Variants in TMEM181 observed in about 807,000 individuals in gnomAD.
TMEM181 encodes the protein transmembrane protein 181, also known as G protein-coupled receptor 178.
In TMEM181, 39 loss-of-function variants were observed where a neutral mutation model predicts 71.9. The observed-to-expected ratio is 0.54, with a 90% CI of 0.42 to 0.71. The LOEUF is 0.71. TMEM181 is among the 30% of genes least tolerant of loss of function. The pLI, the probability that TMEM181 is intolerant of heterozygous loss-of-function variation, is 0.00. For missense variants in TMEM181, 595 were observed against 583.0 expected (o/e 1.02, Z -0.21); for synonymous variants, 245 against 228.8 (o/e 1.07, Z -0.64).
Position 158,605,367 on chromosome 6 carries a change from T to G in TMEM181, c.573+20T>G, listed in dbSNP as rs750261581. 5.6e-6 allele frequency: 9 copies of G among 1,611,352 alleles called. No homozygotes were observed. In the South Asian group the frequency reaches 9.9e-5, roughly 18 times the overall value. On this transcript the variant is annotated intron_variant, in intron 7 of 16. Coordinates refer to ENST00000684151, the MANE Select transcript of TMEM181 (RefSeq NM_001376852.1). ...GTCACTGTGAGTACCATTCGCCTGA[T>G]GGACCGCAGCAGATCCCAGCCAGGA...
At position 158,631,355 on chromosome 6, in the gene TMEM181, A is replaced by G; in HGVS notation, c.1315A>G (p.Met439Val). 1.2e-6 allele frequency: 2 copies of G among 1,614,214 alleles called. No individual in the cohort carries two copies. The highest frequency in any genetic ancestry group is 1.7e-6 in the Non-Finnish European group (2 of 1,180,044). The change falls in exon 16 of 17, where the codon ATG (methionine) becomes GTG (valine). Residue 439 changes from methionine to valine, a missense_variant. Coordinates refer to ENST00000684151, the MANE Select transcript of TMEM181 (RefSeq NM_001376852.1). ...GCTGAAAGACAATCCTGCCTTCTCCATGCTGAATGACTCGGATGATGATGT... is the reference window on the plus strand; with the variant it reads ...GCTGAAAGACAATCCTGCCTTCTCCGTGCTGAATGACTCGGATGATGATGT... The part of the protein sequence containing the change: ...SQLKDNPAFS[M>V]LNDSDDDVIY...
At chr6:158,624,082 G>GTT (rs936840926) in intron 11 of TMEM181, among the ~76,000 whole-genome samples, 7 of 152,166 alleles carry the variant, frequency 4.6e-5, no homozygotes, top group Admixed American at 2.0e-4. Context: ...TTAAAACAAT[G>GTT]TTTTTACTCC....
chr6:158,626,349 C>T, intron 13 of TMEM181: 1 of 456,046 alleles, frequency 2.2e-6, no homozygotes, highest in Non-Finnish European at 4.4e-6. Context: ...CAGGTAATTG[C>T]TTGGTGGTTT....
intron 1 of TMEM181, among the ~76,000 whole-genome samples, chr6:158,571,015 C>T (rs562377906): frequency 5.3e-5 from 8 of 151,676 alleles, no homozygotes; most frequent in African/African-American, 1.7e-4. Context: ...CTGGTTCAAG[C>T]GATTCTCCTG....
Position 158,633,387 on chromosome 6 carries a change from C to T in TMEM181, c.*1499C>T, listed in dbSNP as rs922345378. 2 of 152,140 alleles carry T rather than the reference C, an allele frequency of 1.3e-5. No homozygotes were observed. The highest frequency in any genetic ancestry group is 2.9e-5 in the Non-Finnish European group (2 of 68,038). 9.4% of individuals were successfully genotyped at this position (152,140 alleles called of 1,614,324 possible). Reference sequence around the variant, plus strand: ...GACTCCATATAGAGTCTCATGTGGACGTCTCCCGTGCTTTCCTCTTGACCT... The same window carrying T: ...GACTCCATATAGAGTCTCATGTGGATGTCTCCCGTGCTTTCCTCTTGACCT... On this transcript the variant is annotated 3_prime_UTR_variant, in exon 17 of 17. Transcript: ENST00000684151.
chr6:158,568,955 G>T (rs9355246), intron 1 of TMEM181, among the ~76,000 whole-genome samples: 3,268 of 152,142 alleles, frequency 0.021, 121 homozygotes, highest in African/African-American at 0.074. Context: ...TCTGAAGTCT[G>T]TGGTTTTTTG....
In TMEM181 at chr6:158,628,228, CTGTG is replaced by C. The variant is rs141387062; in HGVS notation, c.1110-169_1110-166del. 3 of 693,044 alleles carry C rather than the reference CTGTG, an allele frequency of 4.3e-6. No individual in the cohort carries two copies. The East Asian group carries it at 8.4e-5, about 19-fold the overall frequency. 42.9% of individuals were successfully genotyped at this position (693,044 alleles called of 1,614,324 possible). On this transcript the variant is annotated intron_variant, in intron 13 of 16. Transcript: ENST00000684151. ...CGAGACCAAAAACCAGAAGCAGGGG[CTGTG>C]TGTGTGTGTGCATGTGTGCATCTGT...
chr6:158,571,539 C>A (rs1167100976), intron 1 of TMEM181, among the ~76,000 whole-genome samples: 1 of 149,144 alleles, frequency 6.7e-6, no homozygotes, highest in Non-Finnish European at 1.5e-5. Flanking sequence ...ACCTCGTGAT[C>A]CGCCCGCCTT....
At position 158,607,230 on chromosome 6, in the gene TMEM181, G is replaced by A. The variant is rs376728503; in HGVS notation, c.574-14G>A. On this transcript the variant is annotated splice_polypyrimidine_tract_variant and intron_variant, in intron 7 of 16. Transcript: ENST00000684151. Reference sequence around the variant, plus strand: ...GAGCAAAGGCAGTAACTGGAGGCCTGATTTGGTTTGCAGTGCCTGTTTGCG... The same window carrying A: ...GAGCAAAGGCAGTAACTGGAGGCCTAATTTGGTTTGCAGTGCCTGTTTGCG... The A allele has an allele frequency of 2.5e-6, 4 of 1,611,500 alleles. No individual in the cohort carries two copies. The highest frequency in any genetic ancestry group is 3.4e-6 in the Non-Finnish European group (4 of 1,177,806).
intron 6 of TMEM181, among the ~76,000 whole-genome samples, chr6:158,604,851 T>C (rs1261514932): frequency 6.6e-6 from 1 of 152,224 alleles, no homozygotes; most frequent in Admixed American, 6.5e-5. Flanking sequence ...GTAACAACAT[T>C]TGAAATTATT....
chr6:158,616,164 C>G, intron 10 of TMEM181, among the ~76,000 whole-genome samples: 1 of 152,108 alleles, frequency 6.6e-6, no homozygotes, highest in East Asian at 1.9e-4. Flanking sequence ...TTTCGTTGAG[C>G]AGTGGTTTGT....
At chr6:158,566,906 G>T (rs113259415) in intron 1 of TMEM181, among the ~76,000 whole-genome samples, 39 of 152,276 alleles carry the variant, frequency 2.6e-4, no homozygotes, top group African/African-American at 8.7e-4. Flanking sequence ...CCTGGCTCAC[G>T]GTGATTTGCA....
At chr6:158,631,502 C>G in intron 16 of TMEM181, 113 bp downstream of exon 16, 1 of 1,179,916 alleles carries the variant, frequency 8.5e-7, no homozygotes, top group Non-Finnish European at 1.2e-6. Context: ...AAGGCATTTA[C>G]CTTGGAGTGT....
intron 1 of TMEM181, among the ~76,000 whole-genome samples, chr6:158,540,827 G>T (rs1228902024): frequency 6.6e-6 from 1 of 152,114 alleles, no homozygotes; most frequent in African/African-American, 2.4e-5. Flanking sequence ...GAGTGCAGTG[G>T]TGTGGTCATG....
intron 1 of TMEM181, among the ~76,000 whole-genome samples, chr6:158,548,942 C>T (rs999930154): frequency 3.9e-5 from 6 of 152,278 alleles, no homozygotes; most frequent in East Asian, 1.9e-4. Context: ...GGTCAGTACC[C>T]GGGGCTTGTG....
intron 1 of TMEM181, among the ~76,000 whole-genome samples, chr6:158,571,301 G>T (rs1012575003): frequency 1.3e-5 from 2 of 148,926 alleles, no homozygotes; most frequent in Non-Finnish European, 3.0e-5. Flanking sequence ...GTTTCACCGT[G>T]TTAGCAGGAT....
intron 10 of TMEM181, chr6:158,609,812 A>G (rs775664553): frequency 4.2e-6 from 1 of 240,346 alleles, no homozygotes; most frequent in Non-Finnish European, 9.1e-6. Flanking sequence ...GGCCAGGCCC[A>G]GGTGGGCATA....
intron 1 of TMEM181, among the ~76,000 whole-genome samples, chr6:158,563,585 T>G (rs1782312010): frequency 6.6e-6 from 1 of 152,234 alleles, no homozygotes; most frequent in South Asian, 2.1e-4. Context: ...GCACTGCTTG[T>G]GCTGAAATGG....
upstream of TMEM181, among the ~76,000 whole-genome samples, chr6:158,558,156 G>A (rs1781974585): frequency 6.6e-6 from 1 of 152,150 alleles, no homozygotes; most frequent in Admixed American, 6.5e-5. Flanking sequence ...AGGGGTCCTC[G>A]GGGTGGTGAC....
Sources: gnomAD v4.1 joint callset for allele counts (sites outside exome capture counted in the v4.1 genomes callset) on GRCh38, gnomAD v4.1.1 for gene constraint, MANE v1.5 for transcripts, NCBI Gene and HGNC (gene_info 2026-07-23, HGNC 2026-07-21) for gene names.